The following NLRX1 variants were observed in gnomAD, a reference collection of about 807,000 sequenced individuals.
The protein encoded by NLRX1 is NOD-like receptor X1.
Under a neutral mutation model 74.2 loss-of-function variants are expected in NLRX1, and 67 were observed. The ratio of observed to expected loss-of-function variants is 0.90; its 90% CI spans 0.74 to 1.11. The LOEUF (loss-of-function observed/expected upper bound fraction) is 1.11, where lower values mean the gene tolerates loss of function less well. Ranked by LOEUF, NLRX1 falls within the 50% of genes least tolerant of loss-of-function variation. The pLI, the probability that NLRX1 is intolerant of heterozygous loss-of-function variation, is 0.00. For missense variants in NLRX1, 1,191 were observed against 1,305.4 expected (o/e 0.91, Z 1.35); for synonymous variants, 506 against 559.1 (o/e 0.91, Z 1.34).
chr11:119,182,979 T>C, intron 9 of NLRX1, 139 bp from the exon 10 acceptor site: 1 of 690,714 alleles, frequency 1.4e-6, no homozygotes, highest in Non-Finnish European at 2.4e-6. Context: ...AGCCTCCACC[T>C]CTGGCTCATT....
chr11:119,180,193 G>C lies in NLRX1; in HGVS notation c.2172G>C (p.Arg724Ser). ...TVVAAVLGSG[R>S]HALDEVNLAS... is the part of the protein sequence containing the mutation. Reference sequence around the variant, plus strand: ...TGGCAGCTGTGCTGGGCAGCGGAAGGCATGCCCTGGATGAGGTGAACTTGG... The same window carrying C: ...TGGCAGCTGTGCTGGGCAGCGGAAGCCATGCCCTGGATGAGGTGAACTTGG... Residue 724 changes from arginine to serine, a missense_variant, in exon 7 of 10, where the codon AGG (arginine) becomes AGC (serine). Arg to Ser is a moderately radical substitution (Grantham distance 110). Transcript: ENST00000409109. 6.2e-7 allele frequency: 1 copy of C among 1,612,650 alleles called. No individual in the cohort carries two copies. Among genetic ancestry groups the C allele is most frequent in the Non-Finnish European group, 8.5e-7 (1 of 1,179,150 alleles).
At position 119,174,951 on chromosome 11, in the gene NLRX1, T is replaced by G; in HGVS notation, c.1348T>G (p.Cys450Gly). ...GACCTACTTCTCTGAAGAGGATGTCTGTGGCTGCCTGGAGGCTGGCATCAG... is the reference window on the plus strand; with the variant it reads ...GACCTACTTCTCTGAAGAGGATGTCGGTGGCTGCCTGGAGGCTGGCATCAG... The part of the protein sequence containing the change: ...RKTYFSEEDV[C>G]GCLEAGIRTE... The change falls in exon 6 of 10, where the codon TGT (cysteine) becomes GGT (glycine). Residue 450 changes from cysteine (C) to glycine (G), a missense_variant. Coordinates refer to ENST00000409109, the MANE Select transcript of NLRX1 (RefSeq NM_001282144.2). 6.2e-7 allele frequency: 1 copy of G among 1,614,066 alleles called. No homozygotes were observed. Among genetic ancestry groups the G allele is most frequent in the African/African-American group, 1.3e-5 (1 of 75,078 alleles).
chr11:119,173,855 G>C lies in NLRX1; in HGVS notation c.606G>C (p.Leu202=), dbSNP rs1251891655. The part of the protein sequence containing the change: ...ELLIPFSCED[L]SSLGPAPASL... ...TCATCCCCTTCTCCTGTGAGGACCT[G>C]TCATCCCTGGGCCCTGCCCCAGCCT... Residue 202 remains leucine (L), a synonymous_variant, in exon 5 of 10, where the codon CTG becomes CTC. Transcript: ENST00000409109. The surrounding 1 kb of genome is among the most constrained non-coding windows in gnomAD (Gnocchi z 4.0). 6.2e-7 allele frequency: 1 copy of C among 1,613,412 alleles called. No homozygotes were observed. The highest frequency in any genetic ancestry group is 8.5e-7 in the Non-Finnish European group (1 of 1,180,040).
intron 6 of NLRX1, among the ~76,000 whole-genome samples, chr11:119,176,470 G>A (rs921475556): frequency 3.3e-5 from 5 of 152,104 alleles, no homozygotes; most frequent in Admixed American, 2.6e-4. Flanking sequence ...TGTAATCCCA[G>A]CACTTTGAGA....
chr11:119,172,897 C>G lies in NLRX1; in HGVS notation c.141-4C>G. On this transcript the variant is annotated splice_polypyrimidine_tract_variant and splice_region_variant and intron_variant, in intron 3 of 9. Coordinates refer to ENST00000409109, the MANE Select transcript of NLRX1 (RefSeq NM_001282144.2). ...CCCAGCTCATCCCCTCTCCTTGTTCCCAGGGCCTTTATACGCCACCACGGA... is the reference window on the plus strand; with the variant it reads ...CCCAGCTCATCCCCTCTCCTTGTTCGCAGGGCCTTTATACGCCACCACGGA... The G allele has an allele frequency of 6.2e-7, 1 of 1,612,750 alleles. No individual in the cohort carries two copies. Among genetic ancestry groups the G allele is most frequent in the South Asian group, 1.1e-5 (1 of 91,054 alleles).
chr11:119,172,555 G>GAT (rs58592897), intron 3 of NLRX1, 130 bp downstream of exon 3: 84,551 of 713,796 alleles, frequency 0.12, 8,785 homozygotes, highest in South Asian at 0.33. Context: ...GGGGTGGGAG[G>GAT]ACAGTGGCAG....
chr11:119,179,425 A>G (rs915791106), intron 6 of NLRX1, among the ~76,000 whole-genome samples: 14 of 152,150 alleles, frequency 9.2e-5, no homozygotes, highest in African/African-American at 3.1e-4. Context: ...CAGAAGTTCA[A>G]GACCAGCTTA....
chr11:119,176,716 T>C (rs1378526530), intron 6 of NLRX1, among the ~76,000 whole-genome samples: 1 of 152,064 alleles, frequency 6.6e-6, no homozygotes, highest in South Asian at 2.1e-4. Context: ...AAAATTAAAT[T>C]AAATTAAAAA....
rs1565829149 is a variant in NLRX1 at position 119,175,034 on chromosome 11, C to T, written c.1431C>T (p.Phe477=). Residue 477 remains phenylalanine, a synonymous_variant, in exon 6 of 10, where the codon TTC becomes TTT. Coordinates refer to ENST00000409109, the MANE Select transcript of NLRX1 (RefSeq NM_001282144.2). ...HIFRRDALRF[F]LAPCVEPGRA... is the part of the protein sequence containing the mutation. ...TCCGTCGGGATGCCCTGAGGTTTTTCCTGGCCCCATGTGTGGAGCCAGGGC... is the reference window on the plus strand; with the variant it reads ...TCCGTCGGGATGCCCTGAGGTTTTTTCTGGCCCCATGTGTGGAGCCAGGGC... 1.9e-6 allele frequency: 3 copies of T among 1,614,178 alleles called. No individual in the cohort carries two copies. Among genetic ancestry groups the T allele is most frequent in the Non-Finnish European group, 2.5e-6 (3 of 1,180,042 alleles).
rs201188070 is a variant in NLRX1, at chr11:119,175,050, G to T, written c.1447G>T (p.Glu483Ter). 45 of 1,614,040 alleles carry T rather than the reference G, an allele frequency of 2.8e-5. No homozygotes were observed. The highest frequency in any genetic ancestry group is 3.7e-5 in the Non-Finnish European group (44 of 1,180,056). The change falls in exon 6 of 10, where the codon GAG becomes TAG. Residue 483 changes from glutamate to a stop codon, truncating the protein, a stop_gained. Transcript: ENST00000409109. LOFTEE classifies it high-confidence loss of function. Reference sequence around the variant, plus strand: ...GAGGTTTTTCCTGGCCCCATGTGTGGAGCCAGGGCGTGCAGGCACCTTCGT... The same window carrying T: ...GAGGTTTTTCCTGGCCCCATGTGTGTAGCCAGGGCGTGCAGGCACCTTCGT... ...ALRFFLAPCV[E>*]PGRAGTFVFT...
Position 119,174,972 on chromosome 11 carries a change from A to T in NLRX1, c.1369A>T (p.Ile457Phe), listed in dbSNP as rs755679328. Residue 457 changes from isoleucine (I) to phenylalanine (F), a missense_variant, in exon 6 of 10, where the codon ATC becomes TTC. Transcript: ENST00000409109. ...EDVCGCLEAG[I>F]RTEEEFQLLH... ...TGTCTGTGGCTGCCTGGAGGCTGGC[A>T]TCAGGACGGAGGAGGAGTTTCAGCT... 6 of 1,614,054 alleles carry T rather than the reference A, an allele frequency of 3.7e-6. No individual in the cohort carries two copies. In the South Asian group the frequency reaches 5.5e-5, roughly 15 times the overall value.
Position 119,183,489 on chromosome 11 carries a change from T to G in NLRX1, c.*50T>G, listed in dbSNP as rs1275463501. 1 of 1,529,916 alleles carries G rather than the reference T, an allele frequency of 6.5e-7. No individual in the cohort carries two copies. Among genetic ancestry groups the G allele is most frequent in the South Asian group, 1.2e-5 (1 of 85,922 alleles). 94.8% of individuals were successfully genotyped at this position (1,529,916 alleles called of 1,614,324 possible). On this transcript the variant is annotated 3_prime_UTR_variant, in exon 10 of 10. Transcript: ENST00000409109. The surrounding 1 kb of genome is among the most constrained non-coding windows in gnomAD (Gnocchi z 5.7). ...ATGTGACCACTGGCCCTAAACCTTT[T>G]CCCTCTGTGGCCTCCTGGCTTGCAC...
intron 3 of NLRX1, among the ~76,000 whole-genome samples, 156 bp downstream of exon 3, chr11:119,172,581 G>A (rs530937047): frequency 6.6e-6 from 1 of 152,310 alleles, no homozygotes; most frequent in South Asian, 2.1e-4. Context: ...AGGCCTGAGA[G>A]GAAGTTGGCT....
At chr11:119,175,914 T>G (rs1948693281) in intron 6 of NLRX1, among the ~76,000 whole-genome samples, 1 of 152,222 alleles carries the variant, frequency 6.6e-6, no homozygotes, top group Non-Finnish European at 1.5e-5. Flanking sequence ...AGGCGCGTTA[T>G]CAGTGTTCAT....
Position 119,174,604 on chromosome 11 carries a change from C to T in NLRX1, c.1001C>T (p.Ala334Val), listed in dbSNP as rs1417658082. Reference protein sequence around the residue: ...LRLNQPYCGYAVGGSGVSATP... With the variant: ...LRLNQPYCGYVVGGSGVSATP... ...CTCAACCAGCCGTACTGCGGGTATG[C>T]CGTTGGCGGTTCAGGTGTCTCTGCC... The change falls in exon 6 of 10, where the codon GCC becomes GTC. Residue 334 changes from alanine to valine, a missense_variant. Ala to Val is a moderately conservative substitution (Grantham distance 64, BLOSUM62 0). Transcript: ENST00000409109. 1.2e-6 allele frequency: 2 copies of T among 1,614,168 alleles called. No homozygotes were observed. Among genetic ancestry groups the T allele is most frequent in the Middle Eastern group, 1.6e-4 (1 of 6,062 alleles).
rs746810983 is a variant in NLRX1, at chr11:119,175,222, T to G, written c.1619T>G (p.Met540Arg). Residue 540 changes from methionine (M) to arginine (R), a missense_variant, in exon 6 of 10, where the codon ATG (methionine) becomes AGG (arginine). Coordinates refer to ENST00000409109, the MANE Select transcript of NLRX1 (RefSeq NM_001282144.2). ...GEDVSLVLGI[M>R]AKLLPLRALP... ...GACGTCAGCCTGGTACTGGGCATCA[T>G]GGCCAAGCTGCTGCCTCTGCGGGCT... 6.2e-7 allele frequency: 1 copy of G among 1,614,048 alleles called. No homozygotes were observed. Among genetic ancestry groups the G allele is most frequent in the Non-Finnish European group, 8.5e-7 (1 of 1,180,048 alleles).
intron 9 of NLRX1, 87 bp downstream of exon 9, chr11:119,182,432 T>TCTGGGC (rs1555222193): frequency 3.3e-6 from 5 of 1,528,938 alleles, no homozygotes; most frequent in South Asian, 2.4e-5. Flanking sequence ...AGGGAGTGCT[T>TCTGGGC]CTGGGCCTGG....
In NLRX1 at chr11:119,180,168, T is replaced by C. The variant is rs1592335016; in HGVS notation, c.2147T>C (p.Val716Ala). The change falls in exon 7 of 10, where the codon GTG (valine) becomes GCG (alanine). Residue 716 changes from valine to alanine, a missense_variant. By Grantham distance (64) the Val-to-Ala change is moderately conservative. Transcript: ENST00000409109. ...VRMTPVKCTVVAAVLGSGRHA... is the reference protein window; with the variant it reads ...VRMTPVKCTVAAAVLGSGRHA... ...ATGACACCAGTCAAGTGCACAGTGGTGGCAGCTGTGCTGGGCAGCGGAAGG... is the reference window on the plus strand; with the variant it reads ...ATGACACCAGTCAAGTGCACAGTGGCGGCAGCTGTGCTGGGCAGCGGAAGG... 2 of 1,613,228 alleles carry C rather than the reference T, an allele frequency of 1.2e-6. No homozygotes were observed. Among genetic ancestry groups the C allele is most frequent in the Non-Finnish European group, 1.7e-6 (2 of 1,179,656 alleles).
intron 7 of NLRX1, among the ~76,000 whole-genome samples, chr11:119,180,952 G>A (rs907925704): frequency 2.0e-5 from 3 of 152,016 alleles, no homozygotes; most frequent in African/African-American, 7.2e-5. Context: ...GAGGTGGGAG[G>A]ATTGCTTGAG....
Sources: gnomAD v4.1 joint callset for allele counts (sites outside exome capture counted in the v4.1 genomes callset) on GRCh38, gnomAD v4.1.1 for gene constraint, Gnocchi (gnomAD v3.1) non-coding constraint, MANE v1.5 for transcripts, NCBI Gene and HGNC (gene_info 2026-07-23, HGNC 2026-07-21) for gene names.